DHTKD1: variants seen among roughly 807,000 people sequenced by gnomAD.
DHTKD1 encodes dehydrogenase E1 and transketolase domain containing 1.
DHTKD1 carries 78 observed loss-of-function variants against 101.8 expected under a neutral mutation model. The observed-to-expected ratio is 0.77, with a 90% CI of 0.64 to 0.93. The LOEUF (loss-of-function observed/expected upper bound fraction) is 0.93. DHTKD1 is among the 40% of genes least tolerant of loss of function. DHTKD1 has a pLI of 0.00. For synonymous variants in DHTKD1, 462 were observed against 450.3 expected (o/e 1.03, Z -0.33); for missense variants, 1,223 against 1,161.7 (o/e 1.05, Z -0.77).
chr10:12,074,699 C>A (rs780356773), intron 1 of DHTKD1, among the ~76,000 whole-genome samples: 1 of 150,466 alleles, frequency 6.6e-6, no homozygotes, highest in Non-Finnish European at 1.5e-5. Context: ...AAAATCTCCA[C>A]TGCACTCCAG....
intron 5 of DHTKD1, among the ~76,000 whole-genome samples, chr10:12,090,675 C>T (rs1588609093): frequency 1.3e-5 from 2 of 151,954 alleles, no homozygotes; most frequent in South Asian, 4.1e-4. Context: ...TTTGTGGAGA[C>T]ATGATCTTGC....
At chr10:12,104,375 C>T (rs1189015639) in intron 10 of DHTKD1, among the ~76,000 whole-genome samples, 2 of 152,114 alleles carry the variant, frequency 1.3e-5, no homozygotes, top group Non-Finnish European at 2.9e-5. Flanking sequence ...GACAGGGTCT[C>T]GCCACATTGG....
chr10:12,074,764 G>C (rs569109487), intron 1 of DHTKD1, among the ~76,000 whole-genome samples: 1 of 152,028 alleles, frequency 6.6e-6, no homozygotes, highest in East Asian at 2.0e-4. Context: ...GTCAGGCCTG[G>C]TGGCTCATGC....
intron 8 of DHTKD1, among the ~76,000 whole-genome samples, chr10:12,098,645 A>T (rs1588612653): frequency 6.6e-6 from 1 of 152,066 alleles, no homozygotes; most frequent in South Asian, 2.1e-4. Flanking sequence ...GCTCACTGCA[A>T]CCTCCACCTC....
chr10:12,112,972 G>A lies in DHTKD1; in HGVS notation c.2227G>A (p.Ala743Thr). Reference sequence around the variant, plus strand: ...GTTTGTGGTTCACCCAACAACTCCTGCACAGTATTTCCACTTGCTTAGGAG... The same window carrying A: ...GTTTGTGGTTCACCCAACAACTCCTACACAGTATTTCCACTTGCTTAGGAG... ...NMFVVHPTTP[A>T]QYFHLLRRQM... The change falls in exon 13 of 17, where the codon GCA (alanine) becomes ACA (threonine). Residue 743 changes from alanine (A) to threonine (T), a missense_variant. Physicochemically the swap from Ala to Thr is moderately conservative, Grantham distance 58. Coordinates refer to ENST00000263035, the MANE Select transcript of DHTKD1 (RefSeq NM_018706.7). The A allele has an allele frequency of 6.2e-7, 1 of 1,613,918 alleles. No homozygotes were observed. The highest frequency in any genetic ancestry group is 8.5e-7 in the Non-Finnish European group (1 of 1,179,946).
In DHTKD1 at chr10:12,101,032, C is replaced by G; in HGVS notation, c.1757-10C>G. 1 of 1,602,310 alleles carries G rather than the reference C, an allele frequency of 6.2e-7. No homozygotes were observed. The highest frequency in any genetic ancestry group is 8.5e-7 in the Non-Finnish European group (1 of 1,176,500). On this transcript the variant is annotated splice_polypyrimidine_tract_variant and intron_variant, in intron 9 of 16. Coordinates refer to ENST00000263035, the MANE Select transcript of DHTKD1 (RefSeq NM_018706.7). ...TGGGAATCTGACTTTTTTTTTCTTG[C>G]TTGCTTAAGGTTTTAATGTTCGTCT...
rs760503014 is a variant in DHTKD1, at chr10:12,113,038, T to C, written c.2293T>C (p.Ser765Pro). The C allele has an allele frequency of 1.2e-6, 2 of 1,612,678 alleles. No individual in the cohort carries two copies. Among genetic ancestry groups the C allele is most frequent in the Non-Finnish European group, 1.7e-6 (2 of 1,179,460 alleles). ...RNFRKPLIVA[S>P]PKMLLRLPAA... Reference sequence around the variant, plus strand: ...CTTCAGAAAACCACTCATTGTTGCTTCCCCTAAGATGTTACTCAGGCTCCC... The same window carrying C: ...CTTCAGAAAACCACTCATTGTTGCTCCCCCTAAGATGTTACTCAGGCTCCC... Residue 765 changes from serine to proline, a missense_variant, in exon 13 of 17, where the codon TCC (serine) becomes CCC (proline). Coordinates refer to ENST00000263035, the MANE Select transcript of DHTKD1 (RefSeq NM_018706.7).
intron 1 of DHTKD1, among the ~76,000 whole-genome samples, chr10:12,075,582 C>T (rs1832713962): frequency 1.3e-5 from 2 of 151,916 alleles, no homozygotes; most frequent in African/African-American, 4.8e-5. Context: ...ACTCTGTTGC[C>T]CAGGCTGGTC....
rs933926558 is a variant in DHTKD1, at chr10:12,101,171, G to A, written c.1886G>A (p.Gly629Glu). 4.3e-6 allele frequency: 7 copies of A among 1,612,228 alleles called. No individual in the cohort carries two copies. Among genetic ancestry groups the A allele is most frequent in the African/African-American group, 1.3e-5 (1 of 74,822 alleles). ...AACCATATGGACCCAAATCAGAAGG[G>A]GTTTCTAGAGGTGAGATGTTTCTAT... ...PLNHMDPNQKGFLEVSNSPLS... is the reference protein window; with the variant it reads ...PLNHMDPNQKEFLEVSNSPLS... The change falls in exon 10 of 17, where the codon GGG becomes GAG. Residue 629 changes from glycine to glutamate, a missense_variant. Coordinates refer to ENST00000263035, the MANE Select transcript of DHTKD1 (RefSeq NM_018706.7).
chr10:12,119,006 A>G (rs911358322), intron 15 of DHTKD1, 88 bp downstream of exon 15: 6 of 1,326,358 alleles, frequency 4.5e-6, no homozygotes, highest in Non-Finnish European at 6.0e-6. Context: ...GGTGGGGGTT[A>G]TTAGAAAATT....
chr10:12,084,816 C>T (rs554466504), intron 3 of DHTKD1, 65 bp downstream of exon 3: 16 of 1,445,808 alleles, frequency 1.1e-5, no homozygotes, highest in Middle Eastern at 2.2e-4. Context: ...TTTGGGAGGC[C>T]GAGGCGGGCG....
chr10:12,091,918 C>T (rs541465107), intron 6 of DHTKD1, among the ~76,000 whole-genome samples: 1 of 152,028 alleles, frequency 6.6e-6, no homozygotes, highest in Admixed American at 6.6e-5. Flanking sequence ...GATTCTCTTG[C>T]CTCAGCCTCC....
Position 12,087,601 on chromosome 10 carries a change from A to C in DHTKD1, c.589A>C (p.Ser197Arg). ...VKRYGGEGAE[S>R]MMGFFHELLK... The stretch of plus-strand genomic sequence containing the variant: ...GCGATATGGAGGCGAAGGGGCTGAA[A>C]GCATGATGGGCTTTTTCCACGAGCT... The change falls in exon 4 of 17, where the codon AGC (serine) becomes CGC (arginine). Residue 197 changes from serine (S) to arginine (R), a missense_variant. Transcript: ENST00000263035. This position sits in a 1 kb window ranked among gnomAD's most constrained non-coding sequence, Gnocchi z 5.2. 1 of 1,613,886 alleles carries C rather than the reference A, an allele frequency of 6.2e-7. No individual in the cohort carries two copies. The highest frequency in any genetic ancestry group is 8.5e-7 in the Non-Finnish European group (1 of 1,179,960).
At chr10:12,102,128 A>T (rs557820979) in intron 10 of DHTKD1, among the ~76,000 whole-genome samples, 112 of 152,234 alleles carry the variant, frequency 7.4e-4, no homozygotes, top group African/African-American at 2.7e-3. Flanking sequence ...GACACCTTAT[A>T]AAAAATTCAC....
Position 12,117,758 on chromosome 10 carries a change from A to G in DHTKD1, c.2402+3A>G, listed in dbSNP as rs754298961. On this transcript the variant is annotated splice_donor_region_variant and intron_variant, in intron 14 of 16. Coordinates refer to ENST00000263035, the MANE Select transcript of DHTKD1 (RefSeq NM_018706.7). ...GATTCATCTGTGGATCCAAAAAAGT[A>G]AGATATGTATCTCTGTTTTCATATT... 2.8e-5 allele frequency: 43 copies of G among 1,548,636 alleles called. No homozygotes were observed. The East Asian group carries it at 7.3e-4, about 26-fold the overall frequency.
At chr10:12,099,116 G>A (rs1397819493) in intron 8 of DHTKD1, among the ~76,000 whole-genome samples, 1 of 151,894 alleles carries the variant, frequency 6.6e-6, no homozygotes, top group Non-Finnish European at 1.5e-5. Flanking sequence ...CCTGCAATGA[G>A]CTGAGATTGC....
chr10:12,092,870 G>T lies in DHTKD1; in HGVS notation c.1159+1186G>T, dbSNP rs556409053. Among the ~76,000 whole-genome samples the T allele has an allele frequency of 8.6e-5, 13 of 151,964 alleles. No homozygotes were observed. The East Asian group carries it at 1.2e-3, about 14-fold the overall frequency. On this transcript the variant is annotated intron_variant, in intron 6 of 16. Coordinates refer to ENST00000263035, the MANE Select transcript of DHTKD1 (RefSeq NM_018706.7). ...AGCTTCTTTTTTATCTGTGGAAATT[G>T]GTAGGTTTTTTTGTTGTTGTTGTTG... is the stretch of plus-strand genomic sequence containing the variant.
At chr10:12,088,738 C>T (rs894765108) in intron 4 of DHTKD1, among the ~76,000 whole-genome samples, 5 of 151,962 alleles carry the variant, frequency 3.3e-5, no homozygotes, top group African/African-American at 7.2e-5. Flanking sequence ...TACCTGCCAC[C>T]ACACCCAACT....
chr10:12,087,470 A>G lies in DHTKD1; in HGVS notation c.523-65A>G. On this transcript the variant is annotated intron_variant, in intron 3 of 16. Transcript: ENST00000263035. This position sits in a 1 kb window ranked among gnomAD's most constrained non-coding sequence, Gnocchi z 5.2. The stretch of plus-strand genomic sequence containing the variant: ...GCCATCTCACAACACACACAGACTT[A>G]TCTGCCTTCCACTGGAGAAGCTGGC... 7.0e-7 allele frequency: 1 copy of G among 1,433,974 alleles called. No individual in the cohort carries two copies. The highest frequency in any genetic ancestry group is 9.5e-7 in the Non-Finnish European group (1 of 1,050,612). 88.8% of individuals were successfully genotyped at this position (1,433,974 alleles called of 1,614,324 possible).
Sources: gnomAD v4.1 joint callset for allele counts (sites outside exome capture counted in the v4.1 genomes callset) on GRCh38, gnomAD v4.1.1 for gene constraint, Gnocchi (gnomAD v3.1) non-coding constraint, MANE v1.5 for transcripts, NCBI Gene and HGNC (gene_info 2026-07-23, HGNC 2026-07-21) for gene names.